MYOM2: variants seen among roughly 807,000 people sequenced by gnomAD.
MYOM2 encodes myomesin-2.
A neutral mutation model predicts 187.6 loss-of-function variants in MYOM2; 254 were observed. The observed-to-expected ratio is 1.35, with a 90% confidence interval of 1.22 to 1.50. MYOM2 has a LOEUF of 1.50. Among genes scored for constraint, MYOM2 ranks in the 40% most tolerant of loss-of-function variants. MYOM2 has a pLI of 0.00. For synonymous variants in MYOM2, 981 were observed against 753.8 expected (o/e 1.30, Z -4.94); for missense variants, 2,796 against 1,924.0 (o/e 1.45, Z -8.48).
At chr8:2,058,623 G>T (rs2129329826) in intron 5 of MYOM2, among the ~76,000 whole-genome samples, 1 of 152,288 alleles carries the variant, frequency 6.6e-6, no homozygotes, top group East Asian at 1.9e-4. Flanking sequence ...CTGAGCCACA[G>T]ACCAGGCATA....
Position 2,098,898 on chromosome 8 carries a change from C to T in MYOM2, c.2355C>T (p.Ile785=), listed in dbSNP as rs747398948. 18 of 1,613,006 alleles carry T rather than the reference C, an allele frequency of 1.1e-5. No homozygotes were observed. Among genetic ancestry groups the T allele is most frequent in the East Asian group, 2.2e-5 (1 of 44,888 alleles). The part of the protein sequence containing the change: ...LTEGSLYEFK[I]AAVNLAGIGE... ...AAGGCTCACTCTACGAGTTCAAAATCGCCGCCGTCAACCTGGCCGGCATCG... is the reference window on the plus strand; with the variant it reads ...AAGGCTCACTCTACGAGTTCAAAATTGCCGCCGTCAACCTGGCCGGCATCG... The change falls in exon 19 of 37, where the codon ATC becomes ATT. Residue 785 remains isoleucine, a synonymous_variant. Coordinates refer to ENST00000262113, the MANE Select transcript of MYOM2 (RefSeq NM_003970.4).
chr8:2,103,087 G>A (rs1219494678), intron 21 of MYOM2, among the ~76,000 whole-genome samples: 1 of 148,104 alleles, frequency 6.8e-6, no homozygotes, highest in African/African-American at 2.5e-5. Flanking sequence ...GTGGATGGGT[G>A]TATGGATAAA....
At position 2,138,805 on chromosome 8, in the gene MYOM2, G is replaced by C. The variant is rs187201630; in HGVS notation, c.3801-1918G>C. 4.6e-5 allele frequency among the ~76,000 whole-genome samples: 7 copies of C among 152,224 alleles called. No homozygotes were observed. In the East Asian group the frequency reaches 1.4e-3, roughly 29 times the overall value. The stretch of plus-strand genomic sequence containing the variant: ...TGTTAGATCCTCCCTTCTCTGTCCG[G>C]GATCCCAGAGGCTAAGTCTCAGGGT... On this transcript the variant is annotated intron_variant, in intron 32 of 36. Coordinates refer to ENST00000262113, the MANE Select transcript of MYOM2 (RefSeq NM_003970.4).
At chr8:2,047,615 T>C (rs377328997) in intron 1 of MYOM2, among the ~76,000 whole-genome samples, 1 of 152,302 alleles carries the variant, frequency 6.6e-6, no homozygotes, top group Non-Finnish European at 1.5e-5. Context: ...CTGAGGCTGA[T>C]GGATTCTGCA....
chr8:2,063,987 G>T (rs1044886090), intron 6 of MYOM2, among the ~76,000 whole-genome samples: 1 of 152,252 alleles, frequency 6.6e-6, no homozygotes, highest in Non-Finnish European at 1.5e-5. Flanking sequence ...GAATTAGACT[G>T]GGGGTGAGCT....
intron 20 of MYOM2, 91 bp downstream of exon 20, chr8:2,101,145 A>G (rs1434218411): frequency 7.5e-7 from 1 of 1,338,696 alleles, no homozygotes; most frequent in African/African-American, 1.5e-5. Context: ...CAGGAGTTCG[A>G]AACCAGCCTG....
intron 16 of MYOM2, 28 bp downstream of exon 16, chr8:2,092,548 T>C (rs755522262): frequency 9.3e-6 from 15 of 1,609,542 alleles, no homozygotes; most frequent in Non-Finnish European, 1.3e-5. Context: ...AGCCCTGGAG[T>C]CAGCCTTGCA....
intron 32 of MYOM2, among the ~76,000 whole-genome samples, chr8:2,137,262 G>A (rs1798111430): frequency 6.6e-6 from 1 of 151,902 alleles, no homozygotes; most frequent in African/African-American, 2.4e-5. Context: ...ACAGGGTGAT[G>A]AGCTCACACA....
rs1414437378 is a variant in MYOM2 at position 2,116,284 on chromosome 8, C to T, written c.3385+9C>T. 4 of 1,611,258 alleles carry T rather than the reference C, an allele frequency of 2.5e-6. No homozygotes were observed. The highest frequency in any genetic ancestry group is 1.6e-4 in the Middle Eastern group (1 of 6,080). ...ATTTCTCAGGAAACAAGGTGAGTTT[C>T]CTCACTCTGACCGGCTCCCCTGCCC... On this transcript the variant is annotated intron_variant, in intron 27 of 36. Coordinates refer to ENST00000262113, the MANE Select transcript of MYOM2 (RefSeq NM_003970.4).
intron 18 of MYOM2, chr8:2,097,062 C>T (rs988437267): frequency 5.3e-6 from 5 of 940,422 alleles, no homozygotes; most frequent in Non-Finnish European, 6.3e-6. Context: ...TCTCACACTA[C>T]AGCTCCCGTC....
intron 36 of MYOM2, 58 bp from the exon 37 acceptor site, chr8:2,144,606 G>A: frequency 6.4e-7 from 1 of 1,561,718 alleles, no homozygotes. Context: ...GTCCGAGGGG[G>A]TGACATGACT....
At chr8:2,129,479 C>G (rs1051909276) in intron 32 of MYOM2, among the ~76,000 whole-genome samples, 1 of 152,186 alleles carries the variant, frequency 6.6e-6, no homozygotes, top group Non-Finnish European at 1.5e-5. Flanking sequence ...TCTAGTGTCT[C>G]AGTCACCAAA....
At chr8:2,126,249 C>T (rs1195834176) in intron 31 of MYOM2, among the ~76,000 whole-genome samples, 2 of 152,140 alleles carry the variant, frequency 1.3e-5, no homozygotes, top group African/African-American at 4.8e-5. Context: ...CCCAGAACTT[C>T]CCATATCAAT....
In MYOM2 at chr8:2,050,760, C is replaced by G. The variant is rs780290840; in HGVS notation, c.-7C>G. ...GTGTGTGACTCTCTTTGTAGGAGCA[C>G]GCCAAGATGTCCCTTGTGACTGTCC... On this transcript the variant is annotated 5_prime_UTR_variant, in exon 2 of 37. Transcript: ENST00000262113. 4.4e-6 allele frequency: 7 copies of G among 1,602,042 alleles called. No homozygotes were observed. The highest frequency in any genetic ancestry group is 3.4e-6 in the Non-Finnish European group (4 of 1,169,416).
rs1052861996 is a variant in MYOM2, at chr8:2,086,829, C to T, written c.1644+1439C>T. On this transcript the variant is annotated intron_variant, in intron 14 of 36. Coordinates refer to ENST00000262113, the MANE Select transcript of MYOM2 (RefSeq NM_003970.4). The stretch of plus-strand genomic sequence containing the variant: ...TACATGCTGGGGATTCCAGATTCCT[C>T]GATGGCCATGCTTGTGCACAAGCCG... 5.3e-5 allele frequency among the ~76,000 whole-genome samples: 8 copies of T among 152,238 alleles called. No homozygotes were observed. In the East Asian group the frequency reaches 1.4e-3, roughly 26 times the overall value.
Position 2,115,503 on chromosome 8 carries a change from C to G in MYOM2, c.3181-457C>G, listed in dbSNP as rs567642137. 2.0e-5 allele frequency among the ~76,000 whole-genome samples: 3 copies of G among 152,366 alleles called. No homozygotes were observed. In the South Asian group the frequency reaches 6.2e-4, roughly 32 times the overall value. ...CCTGAAACCCCTGCACCCTGATGGA[C>G]CACAGCAGGCTGGGGCTTGTGGGTG... On this transcript the variant is annotated intron_variant, in intron 25 of 36. Transcript: ENST00000262113.
In MYOM2 at chr8:2,125,519, G is replaced by T. The variant is rs770262904; in HGVS notation, c.3694+1302G>T. 7.3e-5 allele frequency among the ~76,000 whole-genome samples: 11 copies of T among 151,584 alleles called. 1 individual carries two copies. The East Asian group carries it at 9.7e-4, about 13-fold the overall frequency. ...TATATTTTGAAATCAGGAGTGCGAT[G>T]CCTCCAGCTTTGTTCTTTTTCCTAA... On this transcript the variant is annotated intron_variant, in intron 31 of 36. Transcript: ENST00000262113.
chr8:2,078,788 C>A lies in MYOM2; in HGVS notation c.1317C>A (p.Ile439=). Residue 439 remains isoleucine, a synonymous_variant, in exon 12 of 37, where the codon ATC becomes ATA. Coordinates refer to ENST00000262113, the MANE Select transcript of MYOM2 (RefSeq NM_003970.4). The part of the protein sequence containing the change: ...WVQCNDAPVK[I]CKYPVTGLFE... Reference sequence around the variant, plus strand: ...AGTGCAATGATGCACCGGTGAAAATCTGCAAATACCCGGTCACAGGGCTTT... The same window carrying A: ...AGTGCAATGATGCACCGGTGAAAATATGCAAATACCCGGTCACAGGGCTTT... 2 of 1,614,180 alleles carry A rather than the reference C, an allele frequency of 1.2e-6. No homozygotes were observed. Among genetic ancestry groups the A allele is most frequent in the East Asian group, 2.2e-5 (1 of 44,876 alleles).
At chr8:2,099,110 A>T in intron 19 of MYOM2, 127 bp downstream of exon 19, 1 of 1,271,346 alleles carries the variant, frequency 7.9e-7, no homozygotes, top group East Asian at 2.6e-5. Context: ...CCGCAGCCGC[A>T]GAGCCACCGT....
Sources: allele counts gnomAD v4.1 joint callset (sites outside exome capture counted in the v4.1 genomes callset), GRCh38; gene constraint gnomAD v4.1.1; transcripts MANE v1.5; gene names NCBI Gene and HGNC (gene_info 2026-07-23, HGNC 2026-07-21).